SOAT2: variants seen among roughly 807,000 people sequenced by gnomAD.
SOAT2 encodes the protein ACAT-2.
SOAT2 carries 87 observed loss-of-function variants against 76.0 expected under a neutral mutation model. That is an observed-to-expected ratio of 1.14 (90% confidence interval 0.96 to 1.37). The LOEUF (loss-of-function observed/expected upper bound fraction) is 1.37, where lower values mean the gene tolerates loss of function less well. SOAT2 is among the 40% of genes most tolerant of loss of function. SOAT2 has a pLI of 0.00. For synonymous variants in SOAT2, 285 were observed against 275.4 expected (o/e 1.03, Z -0.34); for missense variants, 686 against 682.1 (o/e 1.01, Z -0.06).
In SOAT2 at chr12:53,123,208, T is replaced by C. The variant is rs752731078; in HGVS notation, c.1364T>C (p.Val455Ala). The C allele has an allele frequency of 8.7e-6, 14 of 1,613,898 alleles. No individual in the cohort carries two copies. In the East Asian group the frequency reaches 3.1e-4, roughly 36 times the overall value. ...CCCGTCATGCTGATACTCTTCCTTG[T>C]CATTGGAGGTGAGCTGGTCTCTGTG... is the stretch of plus-strand genomic sequence containing the variant. ...FYPVMLILFLVIGGMLNFMMH... is the reference protein window; with the variant it reads ...FYPVMLILFLAIGGMLNFMMH... The change falls in exon 13 of 15, where the codon GTC becomes GCC. Residue 455 changes from valine (V) to alanine (A), a missense_variant. Val to Ala is a moderately conservative substitution (Grantham distance 64, BLOSUM62 0). Transcript: ENST00000301466.
At position 53,105,905 on chromosome 12, in the gene SOAT2, A is replaced by G; in HGVS notation, c.336-2A>G. 1 of 1,612,944 alleles carries G rather than the reference A, an allele frequency of 6.2e-7. No individual in the cohort carries two copies. Among genetic ancestry groups the G allele is most frequent in the African/African-American group, 1.3e-5 (1 of 75,032 alleles). On this transcript the variant is annotated splice_acceptor_variant, in intron 4 of 14. Transcript: ENST00000301466. LOFTEE classifies it high-confidence loss of function. ...CTGACTTTCGGGCCCCTGTCCCTCTAGTGAGCTGATGGAGGTGCAGCATTT... is the reference window on the plus strand; with the variant it reads ...CTGACTTTCGGGCCCCTGTCCCTCTGGTGAGCTGATGGAGGTGCAGCATTT...
chr12:53,117,262 ATT>A (rs34151150), intron 7 of SOAT2, among the ~76,000 whole-genome samples: 19 of 109,004 alleles, frequency 1.7e-4, no homozygotes, highest in Non-Finnish European at 1.4e-4. Context: ...CGCCCGGCCA[ATT>A]TTTTTTTTTT....
intron 5 of SOAT2, among the ~76,000 whole-genome samples, chr12:53,114,438 T>C (rs562689975): frequency 1.3e-5 from 2 of 152,282 alleles, no homozygotes; most frequent in East Asian, 3.9e-4. Flanking sequence ...AAACAGTTTC[T>C]GGCTGGGTGC....
intron 5 of SOAT2, among the ~76,000 whole-genome samples, chr12:53,109,870 CT>C (rs2121268894): frequency 6.6e-6 from 1 of 152,302 alleles, no homozygotes; most frequent in Admixed American, 6.5e-5. Context: ...TTTGTATAGA[CT>C]TTTTCGAACC....
rs1227163585 is a variant in SOAT2 at position 53,115,537 on chromosome 12, G to C, written c.591G>C (p.Thr197=). The C allele has an allele frequency of 1.1e-5, 18 of 1,599,936 alleles. No individual in the cohort carries two copies. The highest frequency in any genetic ancestry group is 1.4e-5 in the Non-Finnish European group (17 of 1,177,028). The change falls in exon 6 of 15, where the codon ACG becomes ACC. Residue 197 remains threonine, a synonymous_variant. Transcript: ENST00000301466. ...LWARGTWTQA[T]GLGCALLAAH... ...CCAGGGGCACCTGGACGCAGGCGAC[G>C]GGCCTGGGCTGTGCGCTGCTAGCCG...
intron 10 of SOAT2, among the ~76,000 whole-genome samples, chr12:53,119,582 T>C (rs1938159595): frequency 1.3e-5 from 2 of 149,962 alleles, no homozygotes; most frequent in African/African-American, 5.0e-5. Context: ...GCTGGCACTT[T>C]TGGATCAGAT....
In SOAT2 at chr12:53,124,162, A is replaced by G. The variant is rs1488127081; in HGVS notation, c.*39A>G. 6.2e-7 allele frequency: 1 copy of G among 1,611,746 alleles called. No individual in the cohort carries two copies. Among genetic ancestry groups the G allele is most frequent in the Non-Finnish European group, 8.5e-7 (1 of 1,178,014 alleles). On this transcript the variant is annotated 3_prime_UTR_variant, in exon 15 of 15. Coordinates refer to ENST00000301466, the MANE Select transcript of SOAT2 (RefSeq NM_003578.4). ...CGACGCTACCTGCCCAGACACCACC[A>G]AGTTCTCTGCCTGCAAAACCTGGGA...
intron 8 of SOAT2, 58 bp from the exon 9 acceptor site, chr12:53,118,832 G>C: frequency 6.2e-7 from 1 of 1,603,930 alleles, no homozygotes; most frequent in Non-Finnish European, 8.5e-7. Context: ...CCGTGCCCAG[G>C]CTGAACAGAG....
chr12:53,111,344 T>A (rs772849504), intron 5 of SOAT2, among the ~76,000 whole-genome samples: 39 of 152,136 alleles, frequency 2.6e-4, no homozygotes, highest in Non-Finnish European at 4.6e-4. Flanking sequence ...CCTGACCTCA[T>A]GATCTGCCTG....
intron 5 of SOAT2, among the ~76,000 whole-genome samples, chr12:53,107,308 T>A (rs1937950891): frequency 6.6e-6 from 1 of 152,178 alleles, no homozygotes; most frequent in African/African-American, 2.4e-5. Flanking sequence ...AGTAGCACTC[T>A]CTGTTTCGGG....
At chr12:53,106,258 C>T (rs7308390) in intron 5 of SOAT2, among the ~76,000 whole-genome samples, 14,254 of 151,830 alleles carry the variant, frequency 0.094, 811 homozygotes, top group East Asian at 0.15. Context: ...TTCTCAATGA[C>T]ACCTTGCCCT....
intron 5 of SOAT2, among the ~76,000 whole-genome samples, chr12:53,108,166 G>C (rs142420051): frequency 2.5e-3 from 378 of 152,286 alleles, no homozygotes; most frequent in Admixed American, 4.6e-3. Context: ...AAATACCTAT[G>C]AGTTGGGTGA....
At chr12:53,105,314 G>A (rs1339621196) in intron 3 of SOAT2, 71 bp downstream of exon 3, 5 of 1,525,552 alleles carry the variant, frequency 3.3e-6, no homozygotes, top group Non-Finnish European at 2.7e-6. Context: ...CACGTTATGT[G>A]CCCTTGCCAG....
chr12:53,114,262 A>G (rs1173375095), intron 5 of SOAT2, among the ~76,000 whole-genome samples: 1 of 152,218 alleles, frequency 6.6e-6, no homozygotes, highest in Non-Finnish European at 1.5e-5. Context: ...TTAGTTATAC[A>G]AGTATTAAAA....
intron 1 of SOAT2, 33 bp downstream of exon 1, chr12:53,103,692 GC>G: frequency 3.4e-6 from 5 of 1,464,892 alleles, no homozygotes; most frequent in Non-Finnish European, 2.7e-6. Flanking sequence ...GAAGGCACAG[GC>G]AAGTGGGGGG....
In SOAT2 at chr12:53,107,621, A is replaced by AC. The variant is rs1450199490; in HGVS notation, c.443+1608dup. ...AAGACTAGAATTTAACAACAGATGT[A>AC]CTTTTTTTTTTTTTTTTTTGAGACA... On this transcript the variant is annotated intron_variant, in intron 5 of 14. Coordinates refer to ENST00000301466, the MANE Select transcript of SOAT2 (RefSeq NM_003578.4). Among the ~76,000 whole-genome samples, 63 of 122,426 alleles carry AC rather than the reference A, an allele frequency of 5.1e-4. 1 individual carries two copies. In the East Asian group the frequency reaches 0.014, roughly 27 times the overall value. 80.3% of individuals were successfully genotyped at this position (122,426 alleles called of 152,430 possible).
At chr12:53,116,476 T>C (rs1938109405) in intron 7 of SOAT2, among the ~76,000 whole-genome samples, 1 of 152,198 alleles carries the variant, frequency 6.6e-6, no homozygotes. Flanking sequence ...TTAGCATCAT[T>C]CTTAAGGGCC....
Position 53,123,074 on chromosome 12 carries a change from C to A in SOAT2, c.1237-7C>A. ...CTTACTCTTCACTCCTTTCCTCACC[C>A]TGCCAGCTCCTTGGTGCCCGGGCCC... On this transcript the variant is annotated splice_region_variant and splice_polypyrimidine_tract_variant and intron_variant, in intron 12 of 14. Coordinates refer to ENST00000301466, the MANE Select transcript of SOAT2 (RefSeq NM_003578.4). The A allele has an allele frequency of 6.2e-7, 1 of 1,610,082 alleles. No homozygotes were observed. Among genetic ancestry groups the A allele is most frequent in the Non-Finnish European group, 8.5e-7 (1 of 1,178,576 alleles).
chr12:53,105,437 C>T (rs151090838), intron 3 of SOAT2, 124 bp from the exon 4 acceptor site: 3 of 1,208,900 alleles, frequency 2.5e-6, no homozygotes, highest in Non-Finnish European at 3.5e-6. Context: ...CCCGGTCCTG[C>T]CCTCTGGCCC....
Sources: allele counts gnomAD v4.1 joint callset (sites outside exome capture counted in the v4.1 genomes callset), GRCh38; gene constraint gnomAD v4.1.1; transcripts MANE v1.5; gene names NCBI Gene and HGNC (gene_info 2026-07-23, HGNC 2026-07-21).